Variants in KIAA1549 observed in about 807,000 individuals in gnomAD.
KIAA1549 encodes the protein UPF0606 protein KIAA1549.
In KIAA1549, 70 loss-of-function variants were observed where a neutral mutation model predicts 156.4. The ratio of observed to expected loss-of-function variants is 0.45; its 90% CI spans 0.37 to 0.55. The LOEUF is 0.55. Ranked by LOEUF, KIAA1549 falls within the 20% of genes least tolerant of loss-of-function variation. The pLI, the probability that KIAA1549 is intolerant of heterozygous loss-of-function variation, is 0.00. For missense variants in KIAA1549, 2,428 were observed against 2,540.9 expected (o/e 0.96, Z 0.96); for synonymous variants, 1,103 against 1,066.4 (o/e 1.03, Z -0.67).
chr7:138,886,510 C>G (rs1811394917), intron 10 of KIAA1549, among the ~76,000 whole-genome samples: 1 of 152,104 alleles, frequency 6.6e-6, no homozygotes, highest in Non-Finnish European at 1.5e-5. Context: ...CTGCAGGGCT[C>G]AAGCAATCCT....
intron 1 of KIAA1549, among the ~76,000 whole-genome samples, chr7:138,975,779 T>C (rs1373639210): frequency 6.6e-6 from 1 of 152,220 alleles, no homozygotes; most frequent in African/African-American, 2.4e-5. Context: ...TGTCTTCCTA[T>C]CTGGGAAAAT....
Position 138,833,728 on chromosome 7 carries a change from C to G in KIAA1549, c.*4178G>C, listed in dbSNP as rs1424000447. The G allele has an allele frequency of 8.6e-6, 2 of 232,914 alleles. No homozygotes were observed. Among genetic ancestry groups the G allele is most frequent in the African/African-American group, 4.4e-5 (2 of 45,308 alleles). The allele number at this position is 232,914 out of a possible 1,614,324, so 14.4% of individuals were successfully genotyped here. On this transcript the variant is annotated 3_prime_UTR_variant, in exon 20 of 20. Coordinates refer to ENST00000422774, the MANE Select transcript of KIAA1549 (RefSeq NM_001164665.2). Reference sequence around the variant, plus strand: ...ATGCTCCACAAAGGATATGGCGTGGCCAAACGGCTGCTTGAGATCTGCTCT... The same window carrying G: ...ATGCTCCACAAAGGATATGGCGTGGGCAAACGGCTGCTTGAGATCTGCTCT...
intron 1 of KIAA1549, among the ~76,000 whole-genome samples, chr7:138,953,098 G>A (rs1384695640): frequency 2.0e-5 from 3 of 152,242 alleles, no homozygotes; most frequent in African/African-American, 7.2e-5. Context: ...GCTCATGCCT[G>A]TAATCCCAGC....
chr7:138,915,921 T>A (rs1812304870), intron 2 of KIAA1549, among the ~76,000 whole-genome samples: 1 of 152,196 alleles, frequency 6.6e-6, no homozygotes, highest in Non-Finnish European at 1.5e-5. Flanking sequence ...AGTCTACCTC[T>A]CAGGCATGCC....
chr7:138,875,020 G>A (rs902416784), intron 12 of KIAA1549, among the ~76,000 whole-genome samples: 1 of 152,076 alleles, frequency 6.6e-6, no homozygotes, highest in African/African-American at 2.4e-5. Flanking sequence ...AAAGTGCACA[G>A]CTAGAGAGGA....
At chr7:138,912,228 T>C in intron 3 of KIAA1549, 144 bp downstream of exon 3, 1 of 700,962 alleles carries the variant, frequency 1.4e-6, no homozygotes, top group Non-Finnish European at 2.6e-6. Flanking sequence ...ATCCAGAGGA[T>C]GAGCAGGACT....
At chr7:138,975,455 C>G (rs2130578476) in intron 1 of KIAA1549, among the ~76,000 whole-genome samples, 1 of 152,154 alleles carries the variant, frequency 6.6e-6, no homozygotes, top group Non-Finnish European at 1.5e-5. Context: ...AAGTGCATTC[C>G]AAGACATCCA....
At chr7:138,962,512 T>C (rs774229356) in intron 1 of KIAA1549, among the ~76,000 whole-genome samples, 10 of 152,200 alleles carry the variant, frequency 6.6e-5, no homozygotes, top group Non-Finnish European at 1.5e-4. Context: ...TAGCTCCTGC[T>C]TCATTCCCCT....
chr7:138,842,827 T>A (rs1376505757), intron 18 of KIAA1549, among the ~76,000 whole-genome samples: 1 of 152,180 alleles, frequency 6.6e-6, no homozygotes, highest in Non-Finnish European at 1.5e-5. Flanking sequence ...GACCTCTTCA[T>A]CTTAAGTAGC....
At chr7:138,951,940 A>G (rs1389267858) in intron 1 of KIAA1549, among the ~76,000 whole-genome samples, 1 of 152,210 alleles carries the variant, frequency 6.6e-6, no homozygotes, top group Non-Finnish European at 1.5e-5. Flanking sequence ...AAGAAATACT[A>G]AAAGAATCGC....
rs1812160468 is a variant in KIAA1549, at chr7:138,911,188, G to T, written c.3103C>A (p.Pro1035Thr). The T allele has an allele frequency of 1.9e-6, 3 of 1,599,940 alleles. No individual in the cohort carries two copies. The highest frequency in any genetic ancestry group is 1.7e-5 in the Admixed American group (1 of 58,272). Residue 1035 changes from proline to threonine, a missense_variant, in exon 4 of 20, where the codon CCT (proline) becomes ACT (threonine). By Grantham distance (38) the Pro-to-Thr change is conservative. Around this residue, in one of 5 missense-constraint regions of KIAA1549, gnomAD observed 762 missense variants for 901.6 expected, o/e 0.85. Coordinates refer to ENST00000422774, the MANE Select transcript of KIAA1549 (RefSeq NM_001164665.2). ...CTGGACTCTGGCACAAGGAAAGAAG[G>T]TTTCACAGACAGGATTAAAGGAGTC... is the stretch of plus-strand genomic sequence containing the variant. ...DQTPLILSVK[P>T]SFLVPESRFQ...
At chr7:138,914,829 C>T (rs1280069449) in intron 2 of KIAA1549, among the ~76,000 whole-genome samples, 2 of 152,202 alleles carry the variant, frequency 1.3e-5, no homozygotes, top group African/African-American at 2.4e-5. Flanking sequence ...ATACCTAATA[C>T]AGGCACCAAA....
At chr7:138,940,072 T>A (rs1386241724) in intron 1 of KIAA1549, among the ~76,000 whole-genome samples, 4 of 152,220 alleles carry the variant, frequency 2.6e-5, no homozygotes, top group Admixed American at 1.3e-4. Flanking sequence ...CGTGCAGGTT[T>A]GTTACATATG....
chr7:138,939,323 T>C (rs1813105961), intron 1 of KIAA1549, among the ~76,000 whole-genome samples: 1 of 152,262 alleles, frequency 6.6e-6, no homozygotes, highest in Non-Finnish European at 1.5e-5. Flanking sequence ...ACAGTACAGT[T>C]GCTTTTTTCA....
At chr7:138,900,766 C>G (rs1169610344) in intron 8 of KIAA1549, among the ~76,000 whole-genome samples, 1 of 152,238 alleles carries the variant, frequency 6.6e-6, no homozygotes, top group African/African-American at 2.4e-5. Flanking sequence ...CCCTCTCTCT[C>G]GCTTCCTCTC....
At chr7:138,898,199 T>C (rs1259616909) in intron 9 of KIAA1549, among the ~76,000 whole-genome samples, 1 of 146,978 alleles carries the variant, frequency 6.8e-6, no homozygotes, top group Non-Finnish European at 1.5e-5. Context: ...CCCAGCTACT[T>C]GGGAGGCTGA....
At chr7:138,863,888 A>C (rs1013837332) in intron 15 of KIAA1549, among the ~76,000 whole-genome samples, 1 of 152,178 alleles carries the variant, frequency 6.6e-6, no homozygotes, top group Non-Finnish European at 1.5e-5. Flanking sequence ...CTGGGGCCCC[A>C]AGGTGGCCTC....
chr7:138,855,052 T>TA (rs1274558519), intron 16 of KIAA1549, among the ~76,000 whole-genome samples: 3 of 152,112 alleles, frequency 2.0e-5, no homozygotes, highest in Non-Finnish European at 4.4e-5. Flanking sequence ...TGCTCAGCAT[T>TA]ACATTGCCAC....
chr7:138,902,692 C>G (rs2130448850), intron 8 of KIAA1549, among the ~76,000 whole-genome samples: 1 of 152,172 alleles, frequency 6.6e-6, no homozygotes, highest in African/African-American at 2.4e-5. Context: ...ACCTGTAGTA[C>G]CAGCTACTCA....
Sources: gnomAD v4.1 joint callset for allele counts (sites outside exome capture counted in the v4.1 genomes callset) on GRCh38, gnomAD v4.1.1 for gene constraint, gnomAD v4.1.1 regional missense constraint, MANE v1.5 for transcripts, NCBI Gene and HGNC (gene_info 2026-07-23, HGNC 2026-07-21) for gene names.